XPO6: variants seen among roughly 807,000 people sequenced by gnomAD.
The protein encoded by XPO6 is exportin-6.
XPO6 carries 3 observed loss-of-function variants against 130.0 expected under a neutral mutation model. The observed-to-expected ratio is 0.02, with a 90% CI of 0.01 to 0.06. The LOEUF (loss-of-function observed/expected upper bound fraction) is 0.06, where lower values mean the gene tolerates loss of function less well. XPO6 is among the 10% of genes least tolerant of loss of function. The probability of loss-of-function intolerance (pLI) is 1.00; values close to 1 mark genes in which losing one functional copy is unlikely to be tolerated. For missense variants in XPO6, 970 were observed against 1,393.0 expected, an observed-to-expected ratio of 0.70 and a Z score of 4.83; for synonymous variants, 524 against 548.9, an observed-to-expected ratio of 0.95 and a Z score of 0.63.
At chr16:28,179,173 T>C (rs1402729714) in intron 2 of XPO6, 1 of 152,470 alleles carries the variant, frequency 6.6e-6, no homozygotes, top group Non-Finnish European at 1.5e-5. Context: ...TGAAGTTCTC[T>C]ATAGGACGCC....
chr16:28,188,446 G>C (rs1276133319), intron 1 of XPO6, among the ~76,000 whole-genome samples: 2 of 152,050 alleles, frequency 1.3e-5, no homozygotes, highest in Non-Finnish European at 2.9e-5. Context: ...CTAGAACAGT[G>C]TCATTACCCT....
chr16:28,113,246 G>A (rs1040684530), intron 15 of XPO6, among the ~76,000 whole-genome samples, 196 bp from the exon 16 acceptor site: 6 of 152,068 alleles, frequency 3.9e-5, no homozygotes, highest in African/African-American at 1.2e-4. Context: ...AGCTCCTGCC[G>A]CAGCCATTAT....
At chr16:28,128,004 A>C (rs2042594592) in intron 12 of XPO6, among the ~76,000 whole-genome samples, 1 of 152,172 alleles carries the variant, frequency 6.6e-6, no homozygotes, top group Admixed American at 6.5e-5. Context: ...TGACCATCCC[A>C]CCCAGCCAGA....
intron 1 of XPO6, among the ~76,000 whole-genome samples, chr16:28,188,671 CAAAAAAAAAAAAA>C (rs144107071): frequency 2.7e-4 from 18 of 65,700 alleles, no homozygotes; most frequent in South Asian, 5.6e-4. Context: ...TTCACCACTG[CAAAAAAAAAAAAA>C]AAAAAAAAAA....
intron 1 of XPO6, among the ~76,000 whole-genome samples, chr16:28,194,699 T>TA (rs371246478): frequency 1.6e-4 from 25 of 151,852 alleles, no homozygotes; most frequent in African/African-American, 4.3e-4. Flanking sequence ...TTTTCGGGGG[T>TA]AAAAAAAGAT....
chr16:28,128,618 C>A (rs2042607472), intron 12 of XPO6, among the ~76,000 whole-genome samples: 2 of 152,182 alleles, frequency 1.3e-5, no homozygotes, highest in Non-Finnish European at 2.9e-5. Context: ...GAGTATGGTC[C>A]TTAATAGACA....
intron 20 of XPO6, among the ~76,000 whole-genome samples, chr16:28,104,929 C>T (rs771092331): frequency 3.3e-5 from 5 of 152,216 alleles, no homozygotes; most frequent in African/African-American, 4.8e-5. Flanking sequence ...GTTCACACCG[C>T]GAGTTCTTCA....
intron 5 of XPO6, among the ~76,000 whole-genome samples, chr16:28,168,863 C>T (rs2043403986): frequency 6.6e-6 from 1 of 151,878 alleles, no homozygotes. Context: ...GATCCTCCCA[C>T]CTCAGCCTCC....
chr16:28,180,895 G>A, intron 2 of XPO6, 46 bp downstream of exon 2: 1 of 1,499,892 alleles, frequency 6.7e-7, no homozygotes, highest in Non-Finnish European at 9.2e-7. Flanking sequence ...CCCTACCAGG[G>A]CCTCCTCATT....
chr16:28,126,529 C>A (rs1040644140), intron 12 of XPO6: 3 of 152,142 alleles, frequency 2.0e-5, no homozygotes, highest in Non-Finnish European at 2.9e-5. Context: ...AAATATATAA[C>A]CCTCTAAGCT....
intron 2 of XPO6, among the ~76,000 whole-genome samples, chr16:28,179,624 C>CT (rs2043585067): frequency 6.6e-6 from 1 of 152,192 alleles, no homozygotes; most frequent in African/African-American, 2.4e-5. Flanking sequence ...CTATCAATTT[C>CT]TAGAGCACTA....
chr16:28,160,215 A>G (rs4517805), intron 6 of XPO6, among the ~76,000 whole-genome samples: 3 of 147,108 alleles, frequency 2.0e-5, no homozygotes, highest in Non-Finnish European at 3.0e-5. Flanking sequence ...AAAAAAATCA[A>G]GTAAAATGCT....
intron 1 of XPO6, among the ~76,000 whole-genome samples, chr16:28,190,232 T>G (rs1225515638): frequency 6.6e-6 from 1 of 151,924 alleles, no homozygotes; most frequent in Non-Finnish European, 1.5e-5. Context: ...TATTTTTTTT[T>G]TTTTTTGAGA....
In XPO6 at chr16:28,111,887, T is replaced by A. The variant is rs764928770; in HGVS notation, c.2271A>T (p.Ala757=). Residue 757 remains alanine, a synonymous_variant, in exon 17 of 24, where the codon GCA becomes GCT. Coordinates refer to ENST00000304658, the MANE Select transcript of XPO6 (RefSeq NM_015171.4). ...RSINHASLIS[A]LSRDYRNLKP... is the part of the protein sequence containing the mutation. ...TCAGGTTGCGATAGTCCCGGGAGAG[T>A]GCAGAGATGAGGCTGGCGTGGTTGA... The A allele has an allele frequency of 3.1e-6, 5 of 1,613,708 alleles. No individual in the cohort carries two copies. Among genetic ancestry groups the A allele is most frequent in the Non-Finnish European group, 4.2e-6 (5 of 1,179,966 alleles).
rs772478517 is a variant in XPO6, at chr16:28,132,368, C to T, written c.1572G>A (p.Leu524=). ...AAGTGACTATAAACTGTTGTAATCC[C>T]AAATAAACTTCTAAATTGTCCTGAA... ...PVLQDNLEVY[L]GLQQFIVTSG... is the part of the protein sequence containing the mutation. The change falls in exon 12 of 24, where the codon TTG becomes TTA. Residue 524 remains leucine (L), a synonymous_variant. Coordinates refer to ENST00000304658, the MANE Select transcript of XPO6 (RefSeq NM_015171.4). The surrounding 1 kb of genome is among the most constrained non-coding windows in gnomAD (Gnocchi z 4.0). 2 of 1,607,716 alleles carry T rather than the reference C, an allele frequency of 1.2e-6. No homozygotes were observed. The highest frequency in any genetic ancestry group is 3.4e-5 in the Admixed American group (2 of 59,024).
chr16:28,209,922 T>C (rs568506179), intron 1 of XPO6, among the ~76,000 whole-genome samples: 1 of 152,014 alleles, frequency 6.6e-6, no homozygotes, highest in Non-Finnish European at 1.5e-5. Context: ...ACGGATCACT[T>C]GAGCTCAGGT....
At chr16:28,209,519 A>G (rs1176654340) in intron 1 of XPO6, among the ~76,000 whole-genome samples, 1 of 151,872 alleles carries the variant, frequency 6.6e-6, no homozygotes, top group Non-Finnish European at 1.5e-5. Flanking sequence ...GCATGCCTAT[A>G]ATCCCAGCTA....
intron 20 of XPO6, 106 bp from the exon 21 acceptor site, chr16:28,104,813 T>C: frequency 7.8e-7 from 1 of 1,276,348 alleles, no homozygotes; most frequent in Non-Finnish European, 1.1e-6. Flanking sequence ...GCAAGCCGAG[T>C]GTCAACACTC....
chr16:28,113,606 A>G (rs1255870720), intron 15 of XPO6, among the ~76,000 whole-genome samples: 4 of 152,214 alleles, frequency 2.6e-5, no homozygotes, highest in African/African-American at 9.6e-5. Flanking sequence ...ACAGCACACC[A>G]AAAAGTCAAG....
Sources: gnomAD v4.1 joint callset for allele counts (sites outside exome capture counted in the v4.1 genomes callset) on GRCh38, gnomAD v4.1.1 for gene constraint, Gnocchi (gnomAD v3.1) non-coding constraint, MANE v1.5 for transcripts, NCBI Gene and HGNC (gene_info 2026-07-23, HGNC 2026-07-21) for gene names.